The following DOCK2 variants were observed in gnomAD, a reference collection of about 807,000 sequenced individuals.
DOCK2 encodes dedicator of cytokinesis protein 2.
DOCK2 carries 87 observed loss-of-function variants against 248.9 expected under a neutral mutation model. The ratio of observed to expected loss-of-function variants is 0.35; its 90% confidence interval spans 0.29 to 0.42. The LOEUF is 0.42. DOCK2 is among the 10% of genes least tolerant of loss of function. DOCK2 has a pLI of 1.00. For missense variants in DOCK2, 1,747 were observed against 2,300.2 expected, an observed-to-expected ratio of 0.76 and a Z score of 4.92; for synonymous variants, 805 against 821.6, an observed-to-expected ratio of 0.98 and a Z score of 0.35.
intron 32 of DOCK2, 119 bp downstream of exon 32, chr5:170,008,865 A>G: frequency 8.2e-7 from 1 of 1,218,628 alleles, no homozygotes; most frequent in Non-Finnish European, 1.2e-6. Flanking sequence ...ACAGTTCATT[A>G]CTGTGTGTAC....
rs557534603 is a variant in DOCK2, at chr5:169,991,642, G to A, written c.2994-4444G>A. ...CACGTGTTGGCTCTGGACCCAGTCA[G>A]CTGTAGGCAGGCAGCAGAATGATGC... On this transcript the variant is annotated intron_variant, in intron 29 of 51. Coordinates refer to ENST00000520908, the MANE Select transcript of DOCK2 (RefSeq NM_004946.3). Among the ~76,000 whole-genome samples, 5 of 152,372 alleles carry A rather than the reference G, an allele frequency of 3.3e-5. No homozygotes were observed. The South Asian group carries it at 1.0e-3, about 32-fold the overall frequency.
intron 5 of DOCK2, among the ~76,000 whole-genome samples, chr5:169,673,526 A>T (rs1024635694): frequency 1.3e-5 from 2 of 151,824 alleles, no homozygotes; most frequent in East Asian, 1.9e-4. Context: ...TTATTTTTAT[A>T]AAAAAAAATT....
intron 25 of DOCK2, among the ~76,000 whole-genome samples, chr5:169,799,115 T>C (rs915650306): frequency 2.6e-5 from 4 of 152,186 alleles, no homozygotes; most frequent in Non-Finnish European, 5.9e-5. Flanking sequence ...ATCACCTGGA[T>C]TGTCATCACC....
At chr5:169,836,616 A>T (rs1306445710) in intron 26 of DOCK2, among the ~76,000 whole-genome samples, 1 of 152,208 alleles carries the variant, frequency 6.6e-6, no homozygotes, top group East Asian at 1.9e-4. Flanking sequence ...TTTTTCTTGC[A>T]CACTTGCCAT....
chr5:170,082,549 T>C (rs755567150), intron 51 of DOCK2, among the ~76,000 whole-genome samples: 3 of 152,018 alleles, frequency 2.0e-5, no homozygotes, highest in African/African-American at 2.4e-5. Context: ...ACTCTTAGGA[T>C]TTTATATGGG....
chr5:169,993,940 G>A (rs960367886), intron 29 of DOCK2, among the ~76,000 whole-genome samples: 29 of 151,940 alleles, frequency 1.9e-4, no homozygotes, highest in Non-Finnish European at 7.4e-5. Context: ...AATGTGTTCT[G>A]TAAAGTCCAG....
At chr5:170,026,146 C>A (rs900672913) in intron 33 of DOCK2, among the ~76,000 whole-genome samples, 4 of 152,102 alleles carry the variant, frequency 2.6e-5, no homozygotes, top group African/African-American at 7.2e-5. Context: ...AGTGAGGGAA[C>A]GATGGCATCA....
intron 22 of DOCK2, among the ~76,000 whole-genome samples, chr5:169,738,743 T>C (rs997746165): frequency 3.8e-4 from 58 of 152,334 alleles, no homozygotes; most frequent in African/African-American, 1.4e-3. Flanking sequence ...ATAAGAATCC[T>C]GGAGAATTAC....
intron 10 of DOCK2, among the ~76,000 whole-genome samples, chr5:169,696,246 G>C (rs867987897): frequency 2.0e-5 from 3 of 152,146 alleles, no homozygotes; most frequent in Non-Finnish European, 4.4e-5. Context: ...AACAATACAG[G>C]CAGGATCTAA....
intron 26 of DOCK2, among the ~76,000 whole-genome samples, chr5:169,833,254 A>G (rs1187397367): frequency 2.0e-5 from 3 of 152,226 alleles, no homozygotes; most frequent in Non-Finnish European, 2.9e-5. Context: ...TAACAAAATC[A>G]CCTCACTTCT....
At chr5:169,895,794 C>T (rs951115009) in intron 27 of DOCK2, among the ~76,000 whole-genome samples, 3 of 152,210 alleles carry the variant, frequency 2.0e-5, no homozygotes, top group African/African-American at 7.2e-5. Context: ...TATCTGGGTT[C>T]TCAGTTTCCT....
chr5:169,820,173 C>T (rs1258589567), intron 26 of DOCK2, among the ~76,000 whole-genome samples: 1 of 152,250 alleles, frequency 6.6e-6, no homozygotes, highest in Non-Finnish European at 1.5e-5. Flanking sequence ...CTGCATGCCT[C>T]TGTAGACTGC....
chr5:169,751,260 A>G (rs1370874198), intron 23 of DOCK2, among the ~76,000 whole-genome samples: 1 of 152,220 alleles, frequency 6.6e-6, no homozygotes, highest in African/African-American at 2.4e-5. Flanking sequence ...ACACAAGACT[A>G]AATAGTGTTA....
chr5:169,679,837 T>C (rs769773602), intron 6 of DOCK2, among the ~76,000 whole-genome samples: 2 of 152,224 alleles, frequency 1.3e-5, no homozygotes, highest in Non-Finnish European at 2.9e-5. Context: ...GATGCGCCTC[T>C]CAATTCGATT....
chr5:169,830,730 A>T (rs997986726), intron 26 of DOCK2, among the ~76,000 whole-genome samples: 2 of 152,202 alleles, frequency 1.3e-5, no homozygotes, highest in Non-Finnish European at 2.9e-5. Flanking sequence ...TGTTTTGCTT[A>T]TTTAGCTGGT....
chr5:169,819,596 G>A (rs773330512), intron 26 of DOCK2, among the ~76,000 whole-genome samples: 1 of 152,204 alleles, frequency 6.6e-6, no homozygotes, highest in African/African-American at 2.4e-5. Context: ...ACTCCAGCCT[G>A]GGTGACAGAG....
At chr5:169,935,609 T>C (rs1775952891) in intron 27 of DOCK2, among the ~76,000 whole-genome samples, 1 of 152,196 alleles carries the variant, frequency 6.6e-6, no homozygotes, top group Non-Finnish European at 1.5e-5. Flanking sequence ...ACGTCCTACC[T>C]ACTTTGCGGT....
intron 23 of DOCK2, among the ~76,000 whole-genome samples, chr5:169,753,181 A>G (rs1254457418): frequency 6.6e-6 from 1 of 152,238 alleles, no homozygotes; most frequent in African/African-American, 2.4e-5. Flanking sequence ...CTTTGTAACA[A>G]CAACCTTATA....
intron 30 of DOCK2, among the ~76,000 whole-genome samples, chr5:170,000,848 G>A (rs903297033): frequency 6.6e-6 from 1 of 152,152 alleles, no homozygotes; most frequent in African/African-American, 2.4e-5. Context: ...AAAACTTCTA[G>A]ACTATTTCTA....
Sources: gnomAD v4.1 joint callset for allele counts (sites outside exome capture counted in the v4.1 genomes callset) on GRCh38, gnomAD v4.1.1 for gene constraint, MANE v1.5 for transcripts, NCBI Gene and HGNC (gene_info 2026-07-23, HGNC 2026-07-21) for gene names.